The following NDUFA5 variants were observed in gnomAD, a reference collection of about 807,000 sequenced individuals.
NDUFA5 encodes the protein NADH:ubiquinone oxidoreductase subunit A5.
A neutral mutation model predicts 19.8 loss-of-function variants in NDUFA5; 11 were observed. The observed-to-expected ratio is 0.56, with a 90% CI of 0.35 to 0.92. The LOEUF (loss-of-function observed/expected upper bound fraction) is 0.92, where lower values mean the gene tolerates loss of function less well. NDUFA5 is among the 40% of genes least tolerant of loss of function. The pLI, the probability that NDUFA5 is intolerant of heterozygous loss-of-function variation, is 0.01. For missense variants in NDUFA5, 109 were observed against 134.2 expected (o/e 0.81, Z 0.93); for synonymous variants, 47 against 46.8 (o/e 1.00, Z -0.01).
At chr7:123,598,252 TCAAA>T in the NDUFA5 span, among the ~76,000 whole-genome samples, 5 of 152,176 alleles carry the variant, frequency 3.3e-5, no homozygotes, top group Non-Finnish European at 7.3e-5. Context: ...TATTAGTTTT[TCAAA>T]GAACTTTCAT....
the NDUFA5 span, among the ~76,000 whole-genome samples, chr7:123,595,725 T>C: frequency 6.6e-6 from 1 of 152,232 alleles, no homozygotes; most frequent in African/African-American, 2.4e-5. Context: ...TCTACTTCTC[T>C]GGATCCTACC....
chr7:123,594,185 T>C, the NDUFA5 span, among the ~76,000 whole-genome samples: 1 of 152,104 alleles, frequency 6.6e-6, no homozygotes, highest in African/African-American at 2.4e-5. Context: ...TCCTCTAACC[T>C]TTTTTCAAGG....
At chr7:123,591,172 T>A in the NDUFA5 span, among the ~76,000 whole-genome samples, 9 of 152,224 alleles carry the variant, frequency 5.9e-5, no homozygotes, top group Non-Finnish European at 2.9e-5. Flanking sequence ...TTTGCTGAAG[T>A]TGCTTATCAG....
At chr7:123,543,013 C>T (rs944092856) in intron 4 of NDUFA5, among the ~76,000 whole-genome samples, 13 of 151,992 alleles carry the variant, frequency 8.6e-5, no homozygotes, top group African/African-American at 1.4e-4. Context: ...ACAGAATAAG[C>T]GCTCAGATTA....
intron 2 of NDUFA5, chr7:123,556,615 A>AC (rs1798554972): frequency 3.9e-6 from 1 of 254,462 alleles, no homozygotes; most frequent in Non-Finnish European, 8.0e-6. Flanking sequence ...GTCAAAAAAA[A>AC]AAAAACGCTG....
chr7:123,544,008 A>G (rs1030768401), intron 4 of NDUFA5, among the ~76,000 whole-genome samples: 2 of 152,206 alleles, frequency 1.3e-5, no homozygotes, highest in Admixed American at 1.3e-4. Flanking sequence ...AATCTCCAAT[A>G]TTATCCAATA....
At chr7:123,561,976 G>C (rs907863518), upstream of NDUFA5, among the ~76,000 whole-genome samples, 3 of 151,844 alleles carry the variant, frequency 2.0e-5, no homozygotes, top group Non-Finnish European at 2.9e-5. Context: ...ACCCAGATCT[G>C]TCAGAGGAAT....
the NDUFA5 span, chr7:123,585,134 G>T: frequency 6.6e-6 from 1 of 151,794 alleles, no homozygotes; most frequent in African/African-American, 2.4e-5. Flanking sequence ...GCATTTCCAT[G>T]ACTTTGTTAT....
chr7:123,580,888 G>A, the NDUFA5 span, among the ~76,000 whole-genome samples: 1 of 152,096 alleles, frequency 6.6e-6, no homozygotes, highest in East Asian at 1.9e-4. Flanking sequence ...AGCTTGGTCA[G>A]AGACCGTTCG....
intron 2 of NDUFA5, among the ~76,000 whole-genome samples, chr7:123,552,213 A>T (rs1380054272): frequency 6.6e-6 from 1 of 152,026 alleles, no homozygotes; most frequent in Non-Finnish European, 1.5e-5. Flanking sequence ...CTCACTATTC[A>T]TAATAGCAAA....
At chr7:123,546,199 T>C (rs1001293691) in intron 3 of NDUFA5, among the ~76,000 whole-genome samples, 1 of 152,180 alleles carries the variant, frequency 6.6e-6, no homozygotes, top group African/African-American at 2.4e-5. Context: ...GATATAATAC[T>C]TCACAGCAAT....
chr7:123,601,361 T>A, the NDUFA5 span, among the ~76,000 whole-genome samples: 1 of 152,190 alleles, frequency 6.6e-6, no homozygotes, highest in Non-Finnish European at 1.5e-5. Context: ...TCCGTCTGTA[T>A]ATCAGACTAG....
At chr7:123,579,556 G>A in the NDUFA5 span, among the ~76,000 whole-genome samples, 1 of 152,130 alleles carries the variant, frequency 6.6e-6, no homozygotes, top group South Asian at 2.1e-4. Flanking sequence ...CTGCCCCACT[G>A]TAGCCTGAGG....
At chr7:123,590,254 T>A in the NDUFA5 span, among the ~76,000 whole-genome samples, 1 of 152,230 alleles carries the variant, frequency 6.6e-6, no homozygotes, top group South Asian at 2.1e-4. Context: ...GCAAAAATTT[T>A]ATCCCATTCT....
the NDUFA5 span, among the ~76,000 whole-genome samples, chr7:123,565,396 TAC>T: frequency 0.17 from 25,283 of 148,144 alleles, 2,364 homozygotes; most frequent in African/African-American, 0.26. Context: ...TAGCTTATAA[TAC>T]ACACACACAC....
At chr7:123,587,157 G>T in the NDUFA5 span, among the ~76,000 whole-genome samples, 1 of 151,502 alleles carries the variant, frequency 6.6e-6, no homozygotes. Flanking sequence ...TCACTTTGTA[G>T]TGTGAACATT....
intron 2 of NDUFA5, among the ~76,000 whole-genome samples, chr7:123,554,167 G>A (rs186756656): frequency 1.4e-4 from 22 of 152,222 alleles, no homozygotes; most frequent in Middle Eastern, 6.8e-3. Context: ...ACCAGAGTTG[G>A]AAAATTTAGT....
At chr7:123,568,841 T>A in the NDUFA5 span, among the ~76,000 whole-genome samples, 6 of 152,060 alleles carry the variant, frequency 3.9e-5, no homozygotes, top group Non-Finnish European at 7.4e-5. Flanking sequence ...AGATATAGAA[T>A]GAGAAAATTA....
At chr7:123,563,498 T>C in the NDUFA5 span, among the ~76,000 whole-genome samples, 122,954 of 152,082 alleles carry the variant, frequency 0.81, 49,812 homozygotes, top group African/African-American at 0.84. Flanking sequence ...AGACACTTAA[T>C]AACACTAACA....
Sources: gnomAD v4.1 joint callset for allele counts (sites outside exome capture counted in the v4.1 genomes callset) on GRCh38, gnomAD v4.1.1 for gene constraint, MANE v1.5 for transcripts, NCBI Gene and HGNC (gene_info 2026-07-23, HGNC 2026-07-21) for gene names.